Variants in JARID2 observed in about 807,000 individuals in gnomAD.
JARID2 encodes protein Jumonji.
Under a neutral mutation model 125.6 loss-of-function variants are expected in JARID2, and 21 were observed. That is an observed-to-expected ratio of 0.17 (90% CI 0.12 to 0.24). The LOEUF is 0.24. JARID2 is among the 10% of genes least tolerant of loss of function. The pLI, the probability that JARID2 is intolerant of heterozygous loss-of-function variation, is 1.00. For synonymous variants in JARID2, 736 were observed against 661.6 expected (o/e 1.11, Z -1.73); for missense variants, 1,303 against 1,639.6 (o/e 0.79, Z 3.55).
intron 2 of JARID2, among the ~76,000 whole-genome samples, chr6:15,401,534 T>G (rs1203991101): frequency 1.3e-5 from 2 of 152,216 alleles, no homozygotes; most frequent in Non-Finnish European, 1.5e-5. Flanking sequence ...ACAGCATGTT[T>G]GCTTTCATTT....
At chr6:15,510,499 C>T (rs1421949114) in intron 12 of JARID2, among the ~76,000 whole-genome samples, 1 of 152,144 alleles carries the variant, frequency 6.6e-6, no homozygotes, top group African/African-American at 2.4e-5. Context: ...TCTACCTGTA[C>T]CTCCCACCTT....
At chr6:15,349,787 A>G (rs1763364775) in intron 1 of JARID2, among the ~76,000 whole-genome samples, 1 of 152,200 alleles carries the variant, frequency 6.6e-6, no homozygotes, top group Non-Finnish European at 1.5e-5. Context: ...TCCTTCCCGC[A>G]AGCAATGCCT....
intron 2 of JARID2, among the ~76,000 whole-genome samples, chr6:15,395,978 T>C (rs1394702770): frequency 1.3e-5 from 2 of 152,234 alleles, no homozygotes; most frequent in Admixed American, 6.5e-5. Flanking sequence ...GCTTTTAATA[T>C]ACAGTTTTCC....
At chr6:15,301,999 G>C (rs1277788102) in intron 1 of JARID2, among the ~76,000 whole-genome samples, 1 of 152,164 alleles carries the variant, frequency 6.6e-6, no homozygotes. Flanking sequence ...ATAGTTTATA[G>C]CTCTTTGGAC....
At chr6:15,264,807 C>T (rs1394743932) in intron 1 of JARID2, among the ~76,000 whole-genome samples, 1 of 152,184 alleles carries the variant, frequency 6.6e-6, no homozygotes, top group South Asian at 2.1e-4. Flanking sequence ...CCACATCCCT[C>T]CTACTAAAAT....
intron 1 of JARID2, among the ~76,000 whole-genome samples, chr6:15,357,883 G>A (rs1324962707): frequency 1.3e-5 from 2 of 152,126 alleles, no homozygotes; most frequent in Non-Finnish European, 2.9e-5. Flanking sequence ...TTCCAGATGT[G>A]TTTCTTTGTA....
At chr6:15,291,008 G>A (rs1169144842) in intron 1 of JARID2, among the ~76,000 whole-genome samples, 2 of 152,176 alleles carry the variant, frequency 1.3e-5, no homozygotes, top group East Asian at 1.9e-4. Context: ...GAGGCAGTGC[G>A]AGATCATTTG....
At chr6:15,374,046 A>G in intron 1 of JARID2, 71 bp from the exon 2 acceptor site, 1 of 1,557,664 alleles carries the variant, frequency 6.4e-7, no homozygotes, top group South Asian at 1.2e-5. Context: ...TTTAAAATAA[A>G]GTTTATTTTG....
intron 1 of JARID2, among the ~76,000 whole-genome samples, chr6:15,250,928 T>C (rs1759423392): frequency 6.6e-6 from 1 of 152,214 alleles, no homozygotes; most frequent in African/African-American, 2.4e-5. Flanking sequence ...GGAACTTTTT[T>C]TTTTTTTTCA....
intron 3 of JARID2, among the ~76,000 whole-genome samples, chr6:15,434,993 G>C (rs1255245842): frequency 9.9e-5 from 15 of 152,166 alleles, no homozygotes; most frequent in Admixed American, 9.8e-4. Context: ...TCAAATGTTA[G>C]GTTACACTCA....
chr6:15,368,385 C>G (rs530684949), intron 1 of JARID2, among the ~76,000 whole-genome samples: 1 of 152,258 alleles, frequency 6.6e-6, no homozygotes, highest in Admixed American at 6.5e-5. Context: ...CTTACTTCCT[C>G]CCCATCCCTG....
intron 2 of JARID2, among the ~76,000 whole-genome samples, chr6:15,399,428 T>G (rs1306346248): frequency 6.6e-6 from 1 of 152,204 alleles, no homozygotes; most frequent in South Asian, 2.1e-4. Flanking sequence ...TGTATAATTA[T>G]GATTTTAAAG....
chr6:15,328,952 C>T (rs2127452663), intron 1 of JARID2, among the ~76,000 whole-genome samples: 1 of 152,260 alleles, frequency 6.6e-6, no homozygotes, highest in East Asian at 1.9e-4. Context: ...TGAACAGTGA[C>T]CAGCAGTAAA....
intron 1 of JARID2, among the ~76,000 whole-genome samples, chr6:15,293,821 G>T (rs541123632): frequency 6.6e-6 from 1 of 152,264 alleles, no homozygotes; most frequent in African/African-American, 2.4e-5. Context: ...ATAGCATCTG[G>T]CCAACTCCTC....
At chr6:15,392,069 TGTGTGTGTGC>T (rs756296269) in intron 2 of JARID2, among the ~76,000 whole-genome samples, 18,271 of 116,906 alleles carry the variant, frequency 0.16, 1,442 homozygotes, top group African/African-American at 0.28. Flanking sequence ...TGTGTGTGTG[TGTGTGTGTGC>T]GTGTCTGGAG....
At chr6:15,337,381 C>T (rs1762912234) in intron 1 of JARID2, among the ~76,000 whole-genome samples, 1 of 152,246 alleles carries the variant, frequency 6.6e-6, no homozygotes, top group African/African-American at 2.4e-5. Flanking sequence ...TCGACAGACA[C>T]AGGCACTCAT....
chr6:15,274,861 A>G (rs998540251), intron 1 of JARID2, among the ~76,000 whole-genome samples: 1 of 152,122 alleles, frequency 6.6e-6, no homozygotes, highest in African/African-American at 2.4e-5. Context: ...GCCACTGACA[A>G]TCTGATGGTC....
At chr6:15,398,488 G>A (rs1026344811) in intron 2 of JARID2, among the ~76,000 whole-genome samples, 2 of 152,168 alleles carry the variant, frequency 1.3e-5, no homozygotes, top group Non-Finnish European at 2.9e-5. Flanking sequence ...GAGTCTAATA[G>A]GGTAGTTTGC....
chr6:15,425,984 A>G (rs760294254), intron 3 of JARID2, among the ~76,000 whole-genome samples: 2 of 152,036 alleles, frequency 1.3e-5, no homozygotes, highest in African/African-American at 4.8e-5. Context: ...TCCTAATAGC[A>G]TGATGTGAGC....
Sources: allele counts gnomAD v4.1 joint callset (sites outside exome capture counted in the v4.1 genomes callset), GRCh38; gene constraint gnomAD v4.1.1; transcripts MANE v1.5; gene names NCBI Gene and HGNC (gene_info 2026-07-23, HGNC 2026-07-21).